The following AFF3 variants were observed in gnomAD, a reference collection of about 807,000 sequenced individuals.
The protein encoded by AFF3 is ALF transcription elongation factor 3.
Under a neutral mutation model 129.7 loss-of-function variants are expected in AFF3, and 32 were observed. That is an observed-to-expected ratio of 0.25 (90% CI 0.19 to 0.33). The LOEUF (loss-of-function observed/expected upper bound fraction) is 0.33, where lower values mean the gene tolerates loss of function less well. Ranked by LOEUF, AFF3 falls within the 10% of genes least tolerant of loss-of-function variation. The probability of loss-of-function intolerance (pLI) is 1.00; values close to 1 mark genes in which losing one functional copy is unlikely to be tolerated. For synonymous variants in AFF3, 644 were observed against 635.4 expected (o/e 1.01, Z -0.20); for missense variants, 1,373 against 1,592.0 (o/e 0.86, Z 2.34).
Position 99,788,976 on chromosome 2 carries a change from C to CAT in AFF3, c.922-36677_922-36676dup, listed in dbSNP as rs1218382173. On this transcript the variant is annotated intron_variant, in intron 8 of 24. Coordinates refer to ENST00000672756, the MANE Select transcript of AFF3 (RefSeq NM_001386135.1). ...CTGGCCTAGGAGCAACAGACCATAC[C>CAT]ATATAGCTTGAGTGTATAGTAGGCT... Among the ~76,000 whole-genome samples the CAT allele has an allele frequency of 3.9e-5, 6 of 152,220 alleles. No homozygotes were observed. The Middle Eastern group carries it at 0.01, about 259-fold the overall frequency.
At chr2:99,822,871 G>T (rs1687796449) in intron 8 of AFF3, among the ~76,000 whole-genome samples, 1 of 152,110 alleles carries the variant, frequency 6.6e-6, no homozygotes. Flanking sequence ...GGCTCCTGGC[G>T]ACTTCAGCAG....
At chr2:100,076,332 G>T (rs1009233162) in intron 4 of AFF3, among the ~76,000 whole-genome samples, 2 of 152,176 alleles carry the variant, frequency 1.3e-5, no homozygotes, top group Non-Finnish European at 2.9e-5. Flanking sequence ...AAGACAGTCA[G>T]TATCACATTC....
chr2:99,722,969 C>T (rs1679035300), intron 11 of AFF3, among the ~76,000 whole-genome samples: 1 of 152,164 alleles, frequency 6.6e-6, no homozygotes, highest in African/African-American at 2.4e-5. Context: ...GATCAAATGA[C>T]CCTCTTTCAA....
At chr2:99,596,064 CT>C (rs1330065171) in intron 14 of AFF3, among the ~76,000 whole-genome samples, 1 of 152,236 alleles carries the variant, frequency 6.6e-6, no homozygotes, top group African/African-American at 2.4e-5. Flanking sequence ...GGGGGACCCC[CT>C]GGCCCCGACA....
intron 22 of AFF3, among the ~76,000 whole-genome samples, chr2:99,557,829 A>G (rs1229812459): frequency 6.6e-6 from 1 of 152,176 alleles, no homozygotes; most frequent in African/African-American, 2.4e-5. Flanking sequence ...GATCACCTCT[A>G]GAGGAGGTTG....
intron 8 of AFF3, among the ~76,000 whole-genome samples, chr2:99,756,067 C>T (rs1158126660): frequency 6.6e-6 from 1 of 152,222 alleles, no homozygotes. Context: ...AACTTGGGCC[C>T]TCCTTTCCTT....
At chr2:99,715,753 G>A (rs1678316479) in intron 11 of AFF3, among the ~76,000 whole-genome samples, 2 of 151,084 alleles carry the variant, frequency 1.3e-5, no homozygotes, top group Non-Finnish European at 2.9e-5. Context: ...CTCACTGCAA[G>A]CTCCGCCTCC....
chr2:99,708,184 C>T (rs140831288), intron 11 of AFF3, among the ~76,000 whole-genome samples: 2 of 152,170 alleles, frequency 1.3e-5, no homozygotes, highest in African/African-American at 4.8e-5. Context: ...TCAAATTTAA[C>T]TGGGCGTCTT....
rs371800750 is a variant in AFF3, at chr2:100,007,465, A to G, written c.175-5T>C. Reference sequence around the variant, plus strand: ...GAGTTCATCCCCCTTGTTAGTCTGGAGAAAGAAAAACACATCCACGCTATT... The same window carrying G: ...GAGTTCATCCCCCTTGTTAGTCTGGGGAAAGAAAAACACATCCACGCTATT... On this transcript the variant is annotated splice_region_variant and splice_polypyrimidine_tract_variant and intron_variant, in intron 5 of 24. Coordinates refer to ENST00000672756, the MANE Select transcript of AFF3 (RefSeq NM_001386135.1). 4.8e-5 allele frequency: 77 copies of G among 1,608,246 alleles called. No individual in the cohort carries two copies. Among genetic ancestry groups the G allele is most frequent in the Admixed American group, 1.3e-4 (8 of 59,472 alleles).
intron 4 of AFF3, among the ~76,000 whole-genome samples, chr2:100,062,069 C>G (rs567332401): frequency 1.6e-4 from 24 of 152,304 alleles, no homozygotes; most frequent in African/African-American, 5.3e-4. Context: ...ATTTGGGAAG[C>G]CAGATGTAGA....
chr2:100,007,696 C>A (rs55649403), intron 5 of AFF3: 1 of 519,742 alleles, frequency 1.9e-6, no homozygotes, highest in East Asian at 3.4e-5. Context: ...TCCGGCCGGG[C>A]GCGGTGGCTG....
chr2:99,687,207 C>T (rs780760077), intron 11 of AFF3, among the ~76,000 whole-genome samples: 3 of 152,212 alleles, frequency 2.0e-5, no homozygotes, highest in Non-Finnish European at 4.4e-5. Flanking sequence ...CTACCACAAA[C>T]GTATTCCTGG....
intron 9 of AFF3, 129 bp from the exon 10 acceptor site, chr2:99,744,269 A>C: frequency 1.4e-6 from 1 of 695,868 alleles, no homozygotes. Flanking sequence ...CAGCTACTTT[A>C]ATGAGAAACA....
At position 99,578,402 on chromosome 2, in the gene AFF3, G is replaced by T; in HGVS notation, c.2843C>A (p.Pro948Gln). 6.2e-7 allele frequency: 1 copy of T among 1,611,240 alleles called. No individual in the cohort carries two copies. The highest frequency in any genetic ancestry group is 8.5e-7 in the Non-Finnish European group (1 of 1,179,000). Reference protein sequence around the residue: ...SENIPLHKSRPQTKPWSPGSN... With the variant: ...SENIPLHKSRQQTKPWSPGSN... The stretch of plus-strand genomic sequence containing the variant: ...GCCTGGAGACCACGGCTTCGTCTGC[G>T]GCCGTGACTTGTGGAGGGGAATGTT... The change falls in exon 18 of 25, where the codon CCG becomes CAG. Residue 948 changes from proline (P) to glutamine (Q), a missense_variant. Pro to Gln is a moderately conservative substitution (Grantham distance 76). Coordinates refer to ENST00000672756, the MANE Select transcript of AFF3 (RefSeq NM_001386135.1).
At chr2:99,957,940 G>T (rs1676822244) in intron 7 of AFF3, among the ~76,000 whole-genome samples, 1 of 152,062 alleles carries the variant, frequency 6.6e-6, no homozygotes, top group Admixed American at 6.6e-5. Context: ...AAGAATTCTT[G>T]GTAGACCTCA....
intron 7 of AFF3, among the ~76,000 whole-genome samples, chr2:99,847,305 A>G (rs1689801891): frequency 6.6e-6 from 1 of 151,802 alleles, no homozygotes; most frequent in African/African-American, 2.4e-5. Flanking sequence ...CCTCCAGAGT[A>G]GCTGGGATTA....
intron 7 of AFF3, among the ~76,000 whole-genome samples, chr2:99,974,033 T>G (rs923551807): frequency 6.6e-6 from 1 of 152,230 alleles, no homozygotes; most frequent in Non-Finnish European, 1.5e-5. Flanking sequence ...CACCTGTGAT[T>G]TTCTGAGCTG....
chr2:99,637,926 A>C (rs1275516303), intron 13 of AFF3, among the ~76,000 whole-genome samples: 1 of 152,252 alleles, frequency 6.6e-6, no homozygotes, highest in African/African-American at 2.4e-5. Context: ...GGCATTCAAA[A>C]GGAGTGTGAC....
intron 7 of AFF3, among the ~76,000 whole-genome samples, chr2:99,978,712 T>C (rs1679113659): frequency 6.6e-6 from 1 of 152,152 alleles, no homozygotes; most frequent in Non-Finnish European, 1.5e-5. Context: ...GACTAGATCA[T>C]AAGGGCAGAG....
Sources: gnomAD v4.1 joint callset for allele counts (sites outside exome capture counted in the v4.1 genomes callset) on GRCh38, gnomAD v4.1.1 for gene constraint, MANE v1.5 for transcripts, NCBI Gene and HGNC (gene_info 2026-07-23, HGNC 2026-07-21) for gene names.